Variants in SLC8A1 observed in about 807,000 individuals in gnomAD.
The protein encoded by SLC8A1 is solute carrier family 8 member A1, also known as sodium/calcium exchanger 1.
A neutral mutation model predicts 68.3 loss-of-function variants in SLC8A1; 18 were observed. The ratio of observed to expected loss-of-function variants is 0.26; its 90% CI spans 0.18 to 0.39. SLC8A1 has a LOEUF of 0.39. Ranked by LOEUF, SLC8A1 falls within the 10% of genes least tolerant of loss-of-function variation. The probability of loss-of-function intolerance (pLI) is 1.00; values close to 1 mark genes in which losing one functional copy is unlikely to be tolerated. For missense variants in SLC8A1, 985 were observed against 1,156.7 expected, an observed-to-expected ratio of 0.85 and a Z score of 2.15; for synonymous variants, 475 against 415.5, an observed-to-expected ratio of 1.14 and a Z score of -1.74.
In SLC8A1 at chr2:40,410,228, GA is replaced by G. The variant is rs554208402; in HGVS notation, c.1808+18244del. On this transcript the variant is annotated intron_variant, in intron 2 of 7. Coordinates refer to ENST00000406785, the Ensembl canonical transcript of SLC8A1. ...TCCGAGGGCAATGAAAGGATGTAATGAAAAAAATCAGGCCATCAGAACAATA... is the reference window on the plus strand; with the variant it reads ...TCCGAGGGCAATGAAAGGATGTAATGAAAAAATCAGGCCATCAGAACAATA... Among the ~76,000 whole-genome samples, 13 of 152,034 alleles carry G rather than the reference GA, an allele frequency of 8.6e-5. No individual in the cohort carries two copies. In the South Asian group the frequency reaches 2.5e-3, roughly 29 times the overall value.
At chr2:40,398,340 T>C (rs1039554658) in intron 2 of SLC8A1, among the ~76,000 whole-genome samples, 1 of 152,198 alleles carries the variant, frequency 6.6e-6, no homozygotes, top group African/African-American at 2.4e-5. Context: ...GCGTGTATCA[T>C]ATCTAGATCC....
At chr2:40,261,871 T>A (rs1383630996) in intron 2 of SLC8A1, among the ~76,000 whole-genome samples, 1 of 152,180 alleles carries the variant, frequency 6.6e-6, no homozygotes, top group East Asian at 1.9e-4. Context: ...ACTATTCTTA[T>A]CAAAATTTAC....
chr2:40,351,211 G>A (rs1383267922), intron 2 of SLC8A1, among the ~76,000 whole-genome samples: 1 of 152,104 alleles, frequency 6.6e-6, no homozygotes, highest in East Asian at 1.9e-4. Flanking sequence ...GACTGAGTGT[G>A]AATTTTATTT....
chr2:40,142,727 A>G (rs935646751), intron 6 of SLC8A1, among the ~76,000 whole-genome samples: 6 of 152,182 alleles, frequency 3.9e-5, no homozygotes, highest in Non-Finnish European at 8.8e-5. Context: ...GAATAATTAG[A>G]TCATGTTTGT....
At chr2:40,231,239 G>C (rs1209199540) in intron 2 of SLC8A1, among the ~76,000 whole-genome samples, 1 of 152,158 alleles carries the variant, frequency 6.6e-6, no homozygotes, top group African/African-American at 2.4e-5. Flanking sequence ...AACTACAATG[G>C]AGTTAAATTC....
intron 2 of SLC8A1, among the ~76,000 whole-genome samples, chr2:40,404,669 A>G (rs1576182210): frequency 6.6e-6 from 1 of 152,158 alleles, no homozygotes; most frequent in Admixed American, 6.6e-5. Flanking sequence ...CATTTCTCGC[A>G]TTTTCATGAT....
chr2:40,399,169 A>G (rs1306696695), intron 2 of SLC8A1, among the ~76,000 whole-genome samples: 1 of 152,202 alleles, frequency 6.6e-6, no homozygotes, highest in African/African-American at 2.4e-5. Context: ...TTAGAACAGA[A>G]CTGCAGAAAT....
intron 2 of SLC8A1, among the ~76,000 whole-genome samples, chr2:40,361,887 C>CATTTTTTTTT (rs1674732734): frequency 3.8e-5 from 2 of 53,104 alleles, no homozygotes; most frequent in African/African-American, 1.8e-4. Flanking sequence ...CTTTTCTTTC[C>CATTTTTTTTT]TTTTTTTTTT....
chr2:40,130,860 C>A (rs1407211346), intron 7 of SLC8A1, among the ~76,000 whole-genome samples: 1 of 152,190 alleles, frequency 6.6e-6, no homozygotes, highest in African/African-American at 2.4e-5. Context: ...AGTGAAACTG[C>A]AGGAAACAGA....
At chr2:40,129,234 A>ATT (rs66846961) in intron 7 of SLC8A1, among the ~76,000 whole-genome samples, 1,777 of 144,062 alleles carry the variant, frequency 0.012, 38 homozygotes, top group African/African-American at 0.043. Flanking sequence ...GAGATGTTTC[A>ATT]TTTTTTTTTT....
chr2:40,204,810 CT>C (rs1435240073), intron 2 of SLC8A1, among the ~76,000 whole-genome samples: 3 of 151,802 alleles, frequency 2.0e-5, no homozygotes, highest in Non-Finnish European at 2.9e-5. Context: ...TTTTTATATT[CT>C]TTTTTTCATA....
At chr2:40,259,114 A>G (rs151078312) in intron 2 of SLC8A1, among the ~76,000 whole-genome samples, 4 of 152,140 alleles carry the variant, frequency 2.6e-5, no homozygotes, top group African/African-American at 9.7e-5. Context: ...GCAGTCTCCA[A>G]CGTAGATTTC....
chr2:40,412,249 A>T (rs767404041), intron 2 of SLC8A1, among the ~76,000 whole-genome samples: 2 of 152,124 alleles, frequency 1.3e-5, no homozygotes, highest in Non-Finnish European at 2.9e-5. Context: ...AAAATGTTAT[A>T]ACCTTTTTGG....
chr2:40,318,017 G>C (rs562514637), intron 2 of SLC8A1, among the ~76,000 whole-genome samples: 4 of 152,000 alleles, frequency 2.6e-5, no homozygotes, highest in Admixed American at 6.6e-5. Context: ...TATAACAAGA[G>C]ACCAGTGCAA....
chr2:40,236,127 A>G (rs1380289028), intron 2 of SLC8A1, among the ~76,000 whole-genome samples: 1 of 152,092 alleles, frequency 6.6e-6, no homozygotes, highest in African/African-American at 2.4e-5. Context: ...CGCTTGGTGC[A>G]GAGCTGAGTT....
chr2:40,175,920 C>T (rs2048387104), intron 3 of SLC8A1: 2 of 402,564 alleles, frequency 5.0e-6, no homozygotes, highest in Non-Finnish European at 9.9e-6. Context: ...TTAATAGTCC[C>T]AGGAATTAAC....
intron 2 of SLC8A1, among the ~76,000 whole-genome samples, chr2:40,183,816 T>G (rs868305532): frequency 8.5e-5 from 13 of 152,144 alleles, no homozygotes; most frequent in African/African-American, 3.1e-4. Flanking sequence ...CCACTCCAGA[T>G]CAGTTAAATC....
rs1336823784 is a variant in SLC8A1 at position 40,496,930 on chromosome 2, G to A, written c.-25+15419C>T. The stretch of plus-strand genomic sequence containing the variant: ...CACACTCTGGGGACTGTGGTGGGGT[G>A]GGGGGAGGGGGGAGGGATAGCATTG... On this transcript the variant is annotated intron_variant, in intron 1 of 7. Transcript: ENST00000402441. Among the ~76,000 whole-genome samples, 5 of 124,092 alleles carry A rather than the reference G, an allele frequency of 4.0e-5. No individual in the cohort carries two copies. The East Asian group carries it at 1.1e-3, about 27-fold the overall frequency. 81.4% of individuals were successfully genotyped at this position (124,092 alleles called of 152,430 possible).
At chr2:40,133,826 G>C (rs2039941522) in intron 7 of SLC8A1, among the ~76,000 whole-genome samples, 1 of 151,980 alleles carries the variant, frequency 6.6e-6, no homozygotes, top group African/African-American at 2.4e-5. Context: ...TTTTGAATCT[G>C]GGATATAAGC....
Sources: allele counts gnomAD v4.1 joint callset (sites outside exome capture counted in the v4.1 genomes callset), GRCh38; gene constraint gnomAD v4.1.1; transcripts MANE v1.5; gene names NCBI Gene and HGNC (gene_info 2026-07-23, HGNC 2026-07-21).